The following DIS3L2 variants were observed in gnomAD, a reference collection of about 807,000 sequenced individuals.
DIS3L2 encodes the protein DIS3 like 3'-5' exoribonuclease 2.
In DIS3L2, 34 loss-of-function variants were observed where a neutral mutation model predicts 97.5. The ratio of observed to expected loss-of-function variants is 0.35; its 90% confidence interval spans 0.27 to 0.46. The LOEUF (loss-of-function observed/expected upper bound fraction) is 0.46. DIS3L2 is among the 20% of genes least tolerant of loss of function. DIS3L2 has a pLI of 1.00. For synonymous variants in DIS3L2, 435 were observed against 445.2 expected (o/e 0.98, Z 0.29); for missense variants, 1,038 against 1,146.0 (o/e 0.91, Z 1.36).
At chr2:232,017,374 C>T (rs988002806) in intron 3 of DIS3L2, among the ~76,000 whole-genome samples, 1 of 152,170 alleles carries the variant, frequency 6.6e-6, no homozygotes, top group Non-Finnish European at 1.5e-5. Context: ...GCTGGGATTA[C>T]AGGCATGAGC....
At chr2:232,071,342 T>C (rs2106287018) in intron 5 of DIS3L2, among the ~76,000 whole-genome samples, 1 of 151,934 alleles carries the variant, frequency 6.6e-6, no homozygotes, top group Non-Finnish European at 1.5e-5. Flanking sequence ...GGCAACATAG[T>C]GACCCTGTCT....
chr2:232,171,731 T>G (rs1690996223), intron 9 of DIS3L2, among the ~76,000 whole-genome samples: 1 of 152,188 alleles, frequency 6.6e-6, no homozygotes, highest in South Asian at 2.1e-4. Flanking sequence ...ACTGTGAAAT[T>G]ACAAGAAATG....
At chr2:232,267,252 C>T (rs1478113911) in intron 13 of DIS3L2, among the ~76,000 whole-genome samples, 1 of 152,192 alleles carries the variant, frequency 6.6e-6, no homozygotes, top group African/African-American at 2.4e-5. Context: ...AGTTCATATC[C>T]TAGAACTGTG....
chr2:231,978,725 G>T (rs13030162), intron 1 of DIS3L2: 2 of 152,068 alleles, frequency 1.3e-5, no homozygotes, highest in African/African-American at 2.4e-5. Context: ...CTCGCCTTGG[G>T]CAGGCTGAGA....
intron 1 of DIS3L2, among the ~76,000 whole-genome samples, chr2:231,973,838 T>G (rs1369390388): frequency 6.6e-6 from 1 of 152,082 alleles, no homozygotes; most frequent in African/African-American, 2.4e-5. Context: ...TGGAGAACTG[T>G]GAAGAAAAAC....
At chr2:232,055,448 A>G (rs539441418) in intron 5 of DIS3L2, among the ~76,000 whole-genome samples, 3 of 152,382 alleles carry the variant, frequency 2.0e-5, no homozygotes, top group South Asian at 4.1e-4. Context: ...CAAGACCTCA[A>G]CATTGCAAAC....
chr2:232,249,321 T>C lies in DIS3L2; in HGVS notation c.1400T>C (p.Ile467Thr). 1 of 1,614,256 alleles carries C rather than the reference T, an allele frequency of 6.2e-7. No individual in the cohort carries two copies. The highest frequency in any genetic ancestry group is 8.5e-7 in the Non-Finnish European group (1 of 1,180,040). ...TCCGACAAGCTGACCTTCTCTGTGA[T>C]CTGGACACTGACTCCAGAGGGCAAG... is the stretch of plus-strand genomic sequence containing the variant. ...PMSDKLTFSV[I>T]WTLTPEGKIL... Residue 467 changes from isoleucine to threonine, a missense_variant, in exon 12 of 21, where the codon ATC becomes ACC. By Grantham distance (89) the Ile-to-Thr change is moderately conservative. This residue lies in a region of DIS3L2 where 813 missense variants were observed against 880.1 expected (regional missense o/e 0.92). Coordinates refer to ENST00000325385, the MANE Select transcript of DIS3L2 (RefSeq NM_152383.5).
chr2:232,279,504 GTGTTTGTTTGTTTGTTTGTT>G (rs112447261), intron 13 of DIS3L2, among the ~76,000 whole-genome samples: 9 of 149,604 alleles, frequency 6.0e-5, no homozygotes, highest in African/African-American at 9.9e-5. Context: ...ATTGGTGTGT[GTGTTTGTTTGTTTGTTTGTT>G]TGTTTGTTTG....
chr2:232,131,976 C>T (rs1200853782), intron 7 of DIS3L2: 5 of 66,564 alleles, frequency 7.5e-5, no homozygotes, highest in East Asian at 4.7e-4. Context: ...AAAGAGTCGT[C>T]GGTGGGCGGG....
chr2:232,134,984 T>C (rs59547253), intron 7 of DIS3L2, among the ~76,000 whole-genome samples: 20,644 of 152,048 alleles, frequency 0.14, 3,392 homozygotes, highest in African/African-American at 0.39. Context: ...GAAGTCTTGA[T>C]GTGGTGAAAA....
At chr2:231,963,268 C>A (rs568783492) in intron 1 of DIS3L2, among the ~76,000 whole-genome samples, 1 of 152,248 alleles carries the variant, frequency 6.6e-6, no homozygotes, top group South Asian at 2.1e-4. Flanking sequence ...TTGATAATAG[C>A]CATTCTGACT....
Position 232,155,166 on chromosome 2 carries a change from C to T in DIS3L2, c.951-8293C>T, listed in dbSNP as rs141627721. On this transcript the variant is annotated intron_variant, in intron 8 of 20. Coordinates refer to ENST00000325385, the MANE Select transcript of DIS3L2 (RefSeq NM_152383.5). Reference sequence around the variant, plus strand: ...AAATGCAGAAATCACCCGTCTTCTGCGTCGCTCACGCTGGGAGCTGTAGAC... The same window carrying T: ...AAATGCAGAAATCACCCGTCTTCTGTGTCGCTCACGCTGGGAGCTGTAGAC... Among the ~76,000 whole-genome samples the T allele has an allele frequency of 9.3e-3, 1,343 of 143,868 alleles. 17 individuals carry two copies. Among genetic ancestry groups the T allele is most frequent in the African/African-American group, 0.033 (1,105 of 33,960 alleles). The allele number at this position is 143,868 out of a possible 152,430, so 94.4% of individuals were successfully genotyped here. A position where few individuals can be genotyped will look rare whatever the true frequency, so the allele number is the denominator to read the frequency against.
At chr2:232,029,616 G>A (rs3116232) in intron 4 of DIS3L2, among the ~76,000 whole-genome samples, 120,715 of 151,766 alleles carry the variant, frequency 0.8, 48,664 homozygotes, top group African/African-American at 0.91. Flanking sequence ...TTAGGTCTCC[G>A]TAAAAACAAC....
chr2:232,008,733 T>C (rs3100602), intron 1 of DIS3L2, among the ~76,000 whole-genome samples: 142,700 of 152,188 alleles, frequency 0.94, 66,994 homozygotes, highest in East Asian at 1. Context: ...TTTCCCCTGG[T>C]GCCAAAGGCA....
intron 5 of DIS3L2, among the ~76,000 whole-genome samples, chr2:232,074,783 C>T (rs923330554): frequency 2.6e-5 from 4 of 151,934 alleles, no homozygotes; most frequent in Non-Finnish European, 4.4e-5. Context: ...GGAGTTTTGC[C>T]GTGTTGCCCA....
At chr2:232,344,089 A>T (rs1212640029) in exon 14 of DIS3L2, 1 of 152,838 alleles carries the variant, frequency 6.5e-6, no homozygotes, top group Non-Finnish European at 1.5e-5. Flanking sequence ...AGCGTGTCAC[A>T]TACCTGATTC....
intron 8 of DIS3L2, among the ~76,000 whole-genome samples, chr2:232,158,848 A>G (rs1461169889): frequency 6.6e-6 from 1 of 152,162 alleles, no homozygotes; most frequent in Admixed American, 6.5e-5. Flanking sequence ...AGAATACAAA[A>G]TAATTTTTAA....
At chr2:232,064,556 C>T (rs1396239459) in intron 5 of DIS3L2, among the ~76,000 whole-genome samples, 1 of 152,078 alleles carries the variant, frequency 6.6e-6, no homozygotes, top group African/African-American at 2.4e-5. Context: ...AAGTAGGTAC[C>T]TGGATGTGGA....
chr2:232,136,322 A>G, intron 7 of DIS3L2, 150 bp from the exon 8 acceptor site: 1 of 921,694 alleles, frequency 1.1e-6, no homozygotes, highest in Non-Finnish European at 1.6e-6. Flanking sequence ...ATAGATTACT[A>G]AGTCACAGAT....
Sources: gnomAD v4.1 joint callset for allele counts (sites outside exome capture counted in the v4.1 genomes callset) on GRCh38, gnomAD v4.1.1 for gene constraint, gnomAD v4.1.1 regional missense constraint, MANE v1.5 for transcripts, NCBI Gene and HGNC (gene_info 2026-07-23, HGNC 2026-07-21) for gene names.